ESR2: variants seen among roughly 807,000 people sequenced by gnomAD.
The protein encoded by ESR2 is estrogen receptor 2, also known as estrogen receptor beta.
Under a neutral mutation model 49.6 loss-of-function variants are expected in ESR2, and 36 were observed. The observed-to-expected ratio is 0.73, with a 90% CI of 0.56 to 0.96. The LOEUF is 0.96. Among genes scored for constraint, ESR2 ranks in the 40% least tolerant of loss-of-function variants. The pLI is 0.00. For synonymous variants in ESR2, 320 were observed against 266.1 expected (o/e 1.20, Z -1.97); for missense variants, 714 against 693.0 (o/e 1.03, Z -0.34).
chr14:64,229,632 T>C lies in ESR2; in HGVS notation c.*3505A>G, dbSNP rs2098725392. Among the ~76,000 whole-genome samples, 1 of 152,228 alleles carries C rather than the reference T, an allele frequency of 6.6e-6. No homozygotes were observed. Among genetic ancestry groups the C allele is most frequent in the African/African-American group, 2.4e-5 (1 of 41,458 alleles). ...CTTTAAATTTTTAAACTGTTTGAAG[T>C]GCATGGTCACTGTCAGCACTGGACT... On this transcript the variant is annotated 3_prime_UTR_variant, in exon 9 of 9. Coordinates refer to ENST00000341099, the MANE Select transcript of ESR2 (RefSeq NM_001437.3).
intron 8 of ESR2, 32 bp from the exon 9 acceptor site, chr14:64,233,355 C>T (rs1385154316): frequency 6.3e-7 from 1 of 1,590,906 alleles, no homozygotes; most frequent in Non-Finnish European, 8.6e-7. Context: ...GAGATTCCCT[C>T]CTCCGAGGCA....
At chr14:64,308,199 G>C (rs2077134654) in intron 1 of ESR2, among the ~76,000 whole-genome samples, 1 of 151,910 alleles carries the variant, frequency 6.6e-6, no homozygotes, top group African/African-American at 2.4e-5. Context: ...ATTTTTTGTA[G>C]AGAGGCGGTC....
At chr14:64,249,209 A>G (rs762561573) in intron 7 of ESR2, among the ~76,000 whole-genome samples, 7 of 152,226 alleles carry the variant, frequency 4.6e-5, no homozygotes, top group Non-Finnish European at 7.3e-5. Flanking sequence ...CCCAGACATA[A>G]GTATAAATGC....
In ESR2 at chr14:64,229,003, G is replaced by A. The variant is rs893992799; in HGVS notation, c.*4134C>T. 1.3e-5 allele frequency among the ~76,000 whole-genome samples: 2 copies of A among 152,174 alleles called. No individual in the cohort carries two copies. The highest frequency in any genetic ancestry group is 1.9e-4 in the East Asian group (1 of 5,200). On this transcript the variant is annotated 3_prime_UTR_variant, in exon 9 of 9. Coordinates refer to ENST00000341099, the MANE Select transcript of ESR2 (RefSeq NM_001437.3). ...GGAAGCAGCAGTGCCTAAAAGATGT[G>A]AATTTTACATGAGTACACTTCCAAG...
downstream of ESR2, chr14:64,227,261 A>G (rs1395193797): frequency 4.2e-6 from 2 of 475,696 alleles, no homozygotes; most frequent in Non-Finnish European, 7.4e-6. Flanking sequence ...AGCTTTCTAC[A>G]TTGGTGCCCC....
At chr14:64,246,767 A>AAAAAAAAAAAAAAT (rs2075869497) in intron 7 of ESR2, among the ~76,000 whole-genome samples, 1 of 125,646 alleles carries the variant, frequency 8.0e-6, no homozygotes, top group African/African-American at 2.9e-5. Context: ...AAAAAAAAAA[A>AAAAAAAAAAAAAAT]CACACCTGGC....
chr14:64,260,461 T>C lies in ESR2; in HGVS notation c.940A>G (p.Lys314Glu). ...KELVHMISWA[K>E]KIPGFVELSL... ...CAGAAAGCCCTACCGGGAATCTTCT[T>C]GGCCCAGCTGATCATGTGTACCAAC... Residue 314 changes from lysine (K) to glutamate (E), a missense_variant, in exon 5 of 9, where the codon AAG becomes GAG. Lys to Glu is a moderately conservative substitution (Grantham distance 56, BLOSUM62 1). Transcript: ENST00000341099. 1 of 1,523,320 alleles carries C rather than the reference T, an allele frequency of 6.6e-7. No individual in the cohort carries two copies. The highest frequency in any genetic ancestry group is 8.8e-7 in the Non-Finnish European group (1 of 1,136,746). The allele number at this position is 1,523,320 out of a possible 1,614,324, so 94.4% of individuals were successfully genotyped here. A position where few individuals can be genotyped will look rare whatever the true frequency, so the allele number is the denominator to read the frequency against.
rs568375679 is a variant in ESR2 at position 64,305,528 on chromosome 14, G to A, written c.-90-22453C>T. 2.3e-4 allele frequency among the ~76,000 whole-genome samples: 35 copies of A among 151,722 alleles called. No homozygotes were observed. In the South Asian group the frequency reaches 5.6e-3, roughly 24 times the overall value. On this transcript the variant is annotated intron_variant, in intron 1 of 8. Transcript: ENST00000358599. ...TACTAAAAATACAAAAAAATTAGGC[G>A]GGCGTGGTAGCGGACACCTGTAGTC... is the stretch of plus-strand genomic sequence containing the variant.
intron 1 of ESR2, chr14:64,301,407 T>G (rs1410326947): frequency 6.6e-6 from 1 of 152,236 alleles, no homozygotes; most frequent in Non-Finnish European, 1.5e-5. Context: ...CTGGGGTCTC[T>G]TCTGAATTAC....
At chr14:64,272,729 T>C (rs1378721758) in intron 3 of ESR2, among the ~76,000 whole-genome samples, 3 of 152,204 alleles carry the variant, frequency 2.0e-5, no homozygotes, top group Non-Finnish European at 4.4e-5. Flanking sequence ...GATCCCTATG[T>C]CTGTTTTAGG....
rs2098727667 is a variant in ESR2 at position 64,231,969 on chromosome 14, A to G, written c.*1168T>C. The G allele has an allele frequency of 6.6e-6, 1 of 152,330 alleles. No individual in the cohort carries two copies. The highest frequency in any genetic ancestry group is 2.4e-5 in the African/African-American group (1 of 41,566). 9.4% of individuals were successfully genotyped at this position (152,330 alleles called of 1,614,324 possible). On this transcript the variant is annotated 3_prime_UTR_variant, in exon 9 of 9. Coordinates refer to ENST00000341099, the MANE Select transcript of ESR2 (RefSeq NM_001437.3). ...CACCATATAAATTTTCCAATAAGAA[A>G]ATATTTTTAAAAGAGCTCTCAAGTG...
chr14:64,330,887 T>C (rs2077447572), intron 1 of ESR2: 1 of 148,170 alleles, frequency 6.7e-6, no homozygotes, highest in Non-Finnish European at 1.5e-5. Context: ...ATCATACCAC[T>C]GCGTTCCAGC....
In ESR2 at chr14:64,271,916, A is replaced by G. The variant is rs142973540; in HGVS notation, c.536-3005T>C. 7.4e-3 allele frequency among the ~76,000 whole-genome samples: 1,133 copies of G among 152,302 alleles called. 7 individuals are homozygous for G. The highest frequency in any genetic ancestry group is 0.019 in the African/African-American group (782 of 41,564). On this transcript the variant is annotated intron_variant, in intron 3 of 8. Coordinates refer to ENST00000341099, the MANE Select transcript of ESR2 (RefSeq NM_001437.3). The stretch of plus-strand genomic sequence containing the variant: ...CTGATTTCCTTTCTTTTGGGTGCAT[A>G]CCCAGCAGTGGGATTGCTGGATCAT...
chr14:64,284,566 C>G (rs2076750838), intron 1 of ESR2, among the ~76,000 whole-genome samples: 1 of 152,048 alleles, frequency 6.6e-6, no homozygotes, highest in Non-Finnish European at 1.5e-5. Context: ...AAGTGATCTG[C>G]CTGTTTCGGC....
At chr14:64,280,324 A>G (rs1032698455) in intron 2 of ESR2, among the ~76,000 whole-genome samples, 171 bp from the exon 3 acceptor site, 1 of 152,220 alleles carries the variant, frequency 6.6e-6, no homozygotes, top group Admixed American at 6.5e-5. Flanking sequence ...TACTGATATC[A>G]TATCTACAAA....
At chr14:64,312,705 T>C (rs2077199877) in intron 1 of ESR2, among the ~76,000 whole-genome samples, 1 of 152,046 alleles carries the variant, frequency 6.6e-6, no homozygotes. Flanking sequence ...TCTGTTCCCA[T>C]ACAGTCAAAA....
chr14:64,251,322 A>C (rs7493519), intron 6 of ESR2, among the ~76,000 whole-genome samples: 3 of 144,648 alleles, frequency 2.1e-5, no homozygotes, highest in Non-Finnish European at 4.6e-5. Context: ...AAAAAAAAAA[A>C]CAAAAAAACC....
intron 6 of ESR2, among the ~76,000 whole-genome samples, chr14:64,255,128 A>G (rs1252403267): frequency 6.6e-6 from 1 of 152,084 alleles, no homozygotes; most frequent in Non-Finnish European, 1.5e-5. Flanking sequence ...TAATTGTACT[A>G]AAAACCAGGA....
chr14:64,332,978 G>A (rs975551687), intron 1 of ESR2, among the ~76,000 whole-genome samples: 6 of 148,582 alleles, frequency 4.0e-5, no homozygotes, highest in African/African-American at 9.9e-5. Flanking sequence ...CTGGGTTCAC[G>A]CCATTGTCCT....
Sources: allele counts gnomAD v4.1 joint callset (sites outside exome capture counted in the v4.1 genomes callset), GRCh38; gene constraint gnomAD v4.1.1; transcripts MANE v1.5; gene names NCBI Gene and HGNC (gene_info 2026-07-23, HGNC 2026-07-21).